ZNF280D: variants seen among roughly 807,000 people sequenced by gnomAD.
ZNF280D encodes suppressor of hairy wing homolog 4.
Under a neutral mutation model 94.7 loss-of-function variants are expected in ZNF280D, and 39 were observed. The observed-to-expected ratio is 0.41, with a 90% CI of 0.32 to 0.54. The LOEUF is 0.54. ZNF280D is among the 20% of genes least tolerant of loss of function. The probability of loss-of-function intolerance (pLI) is 0.22; values close to 1 mark genes in which losing one functional copy is unlikely to be tolerated. For synonymous variants in ZNF280D, 398 were observed against 377.6 expected, an observed-to-expected ratio of 1.05 and a Z score of -0.63; for missense variants, 1,090 against 1,149.3, an observed-to-expected ratio of 0.95 and a Z score of 0.75.
chr15:56,678,385 A>C (rs190138086), intron 11 of ZNF280D, among the ~76,000 whole-genome samples: 2 of 152,328 alleles, frequency 1.3e-5, no homozygotes, highest in African/African-American at 4.8e-5. Flanking sequence ...TAATATTTTA[A>C]AACTAGGATA....
At chr15:56,687,950 C>G (rs2056142810) in intron 9 of ZNF280D, among the ~76,000 whole-genome samples, 1 of 152,038 alleles carries the variant, frequency 6.6e-6, no homozygotes, top group Non-Finnish European at 1.5e-5. Flanking sequence ...TCTGAAACAG[C>G]AAAAACTTTT....
chr15:56,666,169 T>C (rs1027121698), intron 16 of ZNF280D, among the ~76,000 whole-genome samples: 2 of 152,258 alleles, frequency 1.3e-5, no homozygotes, highest in East Asian at 3.9e-4. Context: ...CTAACAAACC[T>C]ATTCTAATTT....
At chr15:56,689,689 C>T (rs547489122) in intron 7 of ZNF280D, among the ~76,000 whole-genome samples, 5 of 151,514 alleles carry the variant, frequency 3.3e-5, no homozygotes, top group Admixed American at 6.6e-5. Flanking sequence ...AAAAAATAAT[C>T]CCTCTATGAA....
intron 19 of ZNF280D, chr15:56,652,759 C>T: frequency 1.0e-6 from 1 of 984,910 alleles, no homozygotes; most frequent in Non-Finnish European, 1.2e-6. Context: ...TTCTTTACAC[C>T]TAAGAACTCA....
chr15:56,726,628 C>G (rs1167660632), intron 1 of ZNF280D, among the ~76,000 whole-genome samples: 1 of 152,098 alleles, frequency 6.6e-6, no homozygotes, highest in Non-Finnish European at 1.5e-5. Context: ...TTAATCCCAA[C>G]TATGCTAAAA....
At chr15:56,653,325 A>G in intron 19 of ZNF280D, 1 of 1,253,254 alleles carries the variant, frequency 8.0e-7, no homozygotes, top group East Asian at 3.2e-5. Flanking sequence ...GCTTAAGATC[A>G]TAAGCCAAAG....
Position 56,642,984 on chromosome 15 carries a change from C to G in ZNF280D, c.2227G>C (p.Ala743Pro), listed in dbSNP as rs2052704123. 21 of 1,505,104 alleles carry G rather than the reference C, an allele frequency of 1.4e-5. No homozygotes were observed. Among genetic ancestry groups the G allele is most frequent in the Non-Finnish European group, 1.8e-5 (20 of 1,130,776 alleles). The allele number at this position is 1,505,104 out of a possible 1,614,324, so 93.2% of individuals were successfully genotyped here. A position where few individuals can be genotyped will look rare whatever the true frequency, so the allele number is the denominator to read the frequency against. Residue 743 changes from alanine (A) to proline (P), a missense_variant, in exon 20 of 22, where the codon GCT becomes CCT. By Grantham distance (27) the Ala-to-Pro change is conservative (BLOSUM62 -1). Around this residue, in one of 3 missense-constraint regions of ZNF280D, gnomAD observed 577 missense variants for 568.8 expected, o/e 1.01. Transcript: ENST00000267807. ...SEHLSELKKE[A>P]PAKEQEPVSK... ...ACAGGTTCTTGTTCCTTTGCGGGAG[C>G]TTCTTTTTTTAATCTTGAAAACAAG...
chr15:56,653,363 G>A (rs1047899668), intron 19 of ZNF280D: 3 of 1,262,392 alleles, frequency 2.4e-6, no homozygotes, highest in Non-Finnish European at 3.0e-6. Flanking sequence ...GCTCAATTTG[G>A]TGGGCCTTAA....
chr15:56,651,863 T>C (rs554819892), intron 19 of ZNF280D, among the ~76,000 whole-genome samples: 2 of 152,362 alleles, frequency 1.3e-5, no homozygotes, highest in Admixed American at 6.5e-5. Flanking sequence ...AAGGATTGAC[T>C]GTACTCCTAC....
At chr15:56,648,801 T>C (rs545364554) in intron 19 of ZNF280D, among the ~76,000 whole-genome samples, 69 of 152,198 alleles carry the variant, frequency 4.5e-4, no homozygotes, top group Non-Finnish European at 7.9e-4. Flanking sequence ...GAGTATAGAA[T>C]CAATCTTCTT....
At chr15:56,685,907 T>C (rs1457928830) in intron 9 of ZNF280D, among the ~76,000 whole-genome samples, 1 of 152,144 alleles carries the variant, frequency 6.6e-6, no homozygotes, top group African/African-American at 2.4e-5. Context: ...GAGATTTTCA[T>C]ATAGGATCAC....
At chr15:56,665,527 G>A (rs1566952304) in intron 16 of ZNF280D, among the ~76,000 whole-genome samples, 1 of 151,978 alleles carries the variant, frequency 6.6e-6, no homozygotes, top group Non-Finnish European at 1.5e-5. Context: ...ATGGTGGAAT[G>A]GTGTCTCATT....
At chr15:56,712,019 C>T (rs775516379) in intron 1 of ZNF280D, among the ~76,000 whole-genome samples, 10 of 152,102 alleles carry the variant, frequency 6.6e-5, no homozygotes, top group Non-Finnish European at 8.8e-5. Context: ...ACAGGACCAC[C>T]GTATTATATA....
intron 13 of ZNF280D, among the ~76,000 whole-genome samples, chr15:56,675,737 TA>T (rs2055189252): frequency 6.6e-6 from 1 of 152,012 alleles, no homozygotes; most frequent in Non-Finnish European, 1.5e-5. Flanking sequence ...TTTCATGACT[TA>T]ACTAACAACT....
Position 56,642,997 on chromosome 15 carries a change from T to A in ZNF280D, c.2214A>T (p.Glu738Asp), listed in dbSNP as rs1413112013. Residue 738 changes from glutamate (E) to aspartate (D), a missense_variant and splice_region_variant, in exon 20 of 22, where the codon GAA becomes GAT. By Grantham distance (45) the Glu-to-Asp change is conservative. Around this residue, in one of 3 missense-constraint regions of ZNF280D, gnomAD observed 577 missense variants for 568.8 expected, o/e 1.01. Transcript: ENST00000267807. ...CCTTTGCGGGAGCTTCTTTTTTTAA[T>A]CTTGAAAACAAGATAAGTATTGAAT... ...VCIPTSEHLSELKKEAPAKEQ... is the reference protein window; with the variant it reads ...VCIPTSEHLSDLKKEAPAKEQ... The A allele has an allele frequency of 6.7e-6, 10 of 1,499,722 alleles. No homozygotes were observed. Among genetic ancestry groups the A allele is most frequent in the Non-Finnish European group, 8.9e-6 (10 of 1,127,164 alleles). The allele number at this position is 1,499,722 out of a possible 1,614,324, so 92.9% of individuals were successfully genotyped here.
intron 3 of ZNF280D, among the ~76,000 whole-genome samples, chr15:56,705,331 T>C (rs868801381): frequency 6.6e-6 from 1 of 152,200 alleles, no homozygotes; most frequent in Non-Finnish European, 1.5e-5. Context: ...AGCCTTATTG[T>C]GTGTCTCAGA....
chr15:56,707,216 C>G (rs569440997), intron 2 of ZNF280D, 47 bp downstream of exon 2: 1 of 1,597,762 alleles, frequency 6.3e-7, no homozygotes, highest in Non-Finnish European at 8.5e-7. Flanking sequence ...AAACATGAAA[C>G]TTGGGATTCA....
intron 16 of ZNF280D, among the ~76,000 whole-genome samples, chr15:56,665,906 C>T (rs754224478): frequency 3.9e-5 from 6 of 152,048 alleles, no homozygotes; most frequent in Non-Finnish European, 7.4e-5. Flanking sequence ...GAGGCCAAGG[C>T]GGGCAGATCA....
intron 1 of ZNF280D, among the ~76,000 whole-genome samples, chr15:56,716,703 G>A (rs1206958026): frequency 1.3e-5 from 2 of 152,060 alleles, no homozygotes; most frequent in Admixed American, 6.6e-5. Flanking sequence ...CAGAATTTGA[G>A]TATTAAATCA....
Sources: allele counts gnomAD v4.1 joint callset (sites outside exome capture counted in the v4.1 genomes callset), GRCh38; gene constraint gnomAD v4.1.1; regional missense constraint gnomAD v4.1.1; transcripts MANE v1.5; gene names NCBI Gene and HGNC (gene_info 2026-07-23, HGNC 2026-07-21).